Variants in TMEM179 observed in about 807,000 individuals in gnomAD.
TMEM179 encodes transmembrane protein 179, also known as transmembrane protein 179A.
Under a neutral mutation model 22.2 loss-of-function variants are expected in TMEM179, and 17 were observed. The observed-to-expected ratio is 0.77, with a 90% CI of 0.52 to 1.15. The LOEUF is 1.15. Ranked by LOEUF, TMEM179 falls within the 50% of genes most tolerant of loss-of-function variation. The pLI is 0.00. For synonymous variants in TMEM179, 127 were observed against 140.5 expected, an observed-to-expected ratio of 0.90 and a Z score of 0.68; for missense variants, 265 against 313.6, an observed-to-expected ratio of 0.84 and a Z score of 1.17.
At chr14:104,594,144 C>T in intron 3 of TMEM179, 1 of 1,231,804 alleles carries the variant, frequency 8.1e-7, no homozygotes, top group Admixed American at 4.2e-5. Flanking sequence ...TAAGCTGATT[C>T]TCATTTGAGC....
chr14:104,596,150 A>G (rs1887014591), intron 2 of TMEM179, among the ~76,000 whole-genome samples: 1 of 152,230 alleles, frequency 6.6e-6, no homozygotes, highest in Admixed American at 6.5e-5. Flanking sequence ...GGGTGGAGGC[A>G]CGGAACAGAC....
intron 3 of TMEM179, chr14:104,594,815 G>T: frequency 8.0e-7 from 1 of 1,250,798 alleles, no homozygotes. Context: ...AAAGTCCAAA[G>T]CCCTTGTCCC....
intron 3 of TMEM179, chr14:104,594,328 G>A: frequency 8.1e-7 from 1 of 1,231,408 alleles, no homozygotes; most frequent in Non-Finnish European, 1.0e-6. Flanking sequence ...CTGGCCAGGA[G>A]AAGCGTCCTC....
In TMEM179 at chr14:104,591,348, G is replaced by A. The variant is rs2140475199; in HGVS notation, c.*2131C>T. 1 of 455,984 alleles carries A rather than the reference G, an allele frequency of 2.2e-6. No homozygotes were observed. Among genetic ancestry groups the A allele is most frequent in the Middle Eastern group, 3.3e-4 (1 of 3,036 alleles). 28.2% of individuals were successfully genotyped at this position (455,984 alleles called of 1,614,324 possible). On this transcript the variant is annotated 3_prime_UTR_variant, in exon 4 of 4. Coordinates refer to ENST00000556573, the MANE Select transcript of TMEM179 (RefSeq NM_001286389.2). Reference sequence around the variant, plus strand: ...CCTAGATGGCTGTGGCCTGGATCAGGGCTGGGCAGAGGGTGAGGCAGGAGC... The same window carrying A: ...CCTAGATGGCTGTGGCCTGGATCAGAGCTGGGCAGAGGGTGAGGCAGGAGC...
At chr14:104,601,420 A>G (rs1382494587) in intron 1 of TMEM179, among the ~76,000 whole-genome samples, 1 of 152,190 alleles carries the variant, frequency 6.6e-6, no homozygotes, top group Non-Finnish European at 1.5e-5. Context: ...AATAAGGTGC[A>G]TGTCTGCCTT....
In TMEM179 at chr14:104,597,013, G is replaced by C; in HGVS notation, c.420C>G (p.Thr140=). Residue 140 remains threonine (T), a synonymous_variant, in exon 2 of 4, where the codon ACC becomes ACG. Transcript: ENST00000556573. The surrounding 1 kb of genome is among the most constrained non-coding windows in gnomAD (Gnocchi z 4.8). The stretch of plus-strand genomic sequence containing the variant: ...ACCTGTGGGGTACGGTGCCCTTCTC[G>C]GTGATGGTGTCGCACCACATGGTGA... ...VGFTMWCDTI[T]EKGTVPHSCE... is the part of the protein sequence containing the mutation. The C allele has an allele frequency of 1.2e-6, 2 of 1,608,288 alleles. No individual in the cohort carries two copies. The highest frequency in any genetic ancestry group is 8.5e-7 in the Non-Finnish European group (1 of 1,179,034).
In TMEM179 at chr14:104,593,225, C is replaced by T; in HGVS notation, c.*254G>A. The T allele has an allele frequency of 3.7e-6, 2 of 545,262 alleles. No individual in the cohort carries two copies. Among genetic ancestry groups the T allele is most frequent in the Non-Finnish European group, 6.5e-6 (2 of 309,282 alleles). The allele number at this position is 545,262 out of a possible 1,614,324, so 33.8% of individuals were successfully genotyped here. On this transcript the variant is annotated 3_prime_UTR_variant, in exon 4 of 4. Coordinates refer to ENST00000556573, the MANE Select transcript of TMEM179 (RefSeq NM_001286389.2). Reference sequence around the variant, plus strand: ...GGGCCCTGTGCGAGGCCTGGAGGTGCCCCCCGCCCCCGCCCCACACCCATA... The same window carrying T: ...GGGCCCTGTGCGAGGCCTGGAGGTGTCCCCCGCCCCCGCCCCACACCCATA...
intron 1 of TMEM179, among the ~76,000 whole-genome samples, chr14:104,599,699 C>T (rs1025083299): frequency 2.3e-4 from 35 of 152,318 alleles, no homozygotes; most frequent in Admixed American, 1.7e-3. Context: ...TGGCGAGGCA[C>T]GGCCAGGGTC....
At position 104,591,517 on chromosome 14, in the gene TMEM179, G is replaced by A. The variant is rs769954110; in HGVS notation, c.*1962C>T. 8 of 407,218 alleles carry A rather than the reference G, an allele frequency of 2.0e-5. No individual in the cohort carries two copies. Among genetic ancestry groups the A allele is most frequent in the East Asian group, 7.4e-5 (1 of 13,466 alleles). The allele number at this position is 407,218 out of a possible 1,614,324, so 25.2% of individuals were successfully genotyped here. ...GGATTCTGTCCAAACCCCTTCCCTCGAGGACCTGGCTGCCAGCTGGAAACT... is the reference window on the plus strand; with the variant it reads ...GGATTCTGTCCAAACCCCTTCCCTCAAGGACCTGGCTGCCAGCTGGAAACT... On this transcript the variant is annotated 3_prime_UTR_variant, in exon 4 of 4. Transcript: ENST00000556573.
chr14:104,591,664 G>A lies in TMEM179; in HGVS notation c.*1815C>T. 3.0e-6 allele frequency: 1 copy of A among 328,452 alleles called. No individual in the cohort carries two copies. The highest frequency in any genetic ancestry group is 2.3e-5 in the South Asian group (1 of 44,074). The allele number at this position is 328,452 out of a possible 1,614,324, so 20.3% of individuals were successfully genotyped here. ...GGACCCAGGATGATGCCCCCACCAGGACCCTCCATGTGGACCCAGGCACGT... is the reference window on the plus strand; with the variant it reads ...GGACCCAGGATGATGCCCCCACCAGAACCCTCCATGTGGACCCAGGCACGT... On this transcript the variant is annotated 3_prime_UTR_variant, in exon 4 of 4. Coordinates refer to ENST00000556573, the MANE Select transcript of TMEM179 (RefSeq NM_001286389.2).
chr14:104,592,741 C>T lies in TMEM179; in HGVS notation c.*738G>A, dbSNP rs923600303. Among the ~76,000 whole-genome samples the T allele has an allele frequency of 6.6e-6, 1 of 152,212 alleles. No individual in the cohort carries two copies. Among genetic ancestry groups the T allele is most frequent in the Non-Finnish European group, 1.5e-5 (1 of 68,036 alleles). On this transcript the variant is annotated 3_prime_UTR_variant, in exon 4 of 4. Transcript: ENST00000556573. ...TCCCATACTCACCCACACACAGACC[C>T]CTGCCATGGCTCCTGGCCCAGTCCT... is the stretch of plus-strand genomic sequence containing the variant.
chr14:104,594,811 C>T, intron 3 of TMEM179: 1 of 1,241,084 alleles, frequency 8.1e-7, no homozygotes, highest in Non-Finnish European at 1.0e-6. Flanking sequence ...CACCAAAGTC[C>T]AAAGCCCTTG....
At chr14:104,594,654 C>A (rs1034788178) in intron 3 of TMEM179, 1 of 1,217,050 alleles carries the variant, frequency 8.2e-7, no homozygotes, top group African/African-American at 1.6e-5. Context: ...GGGCGGGGGA[C>A]GCAGCTTATA....
chr14:104,600,148 C>T (rs937324043), intron 1 of TMEM179, among the ~76,000 whole-genome samples: 1 of 152,238 alleles, frequency 6.6e-6, no homozygotes, highest in Non-Finnish European at 1.5e-5. Flanking sequence ...GGATCCTGCC[C>T]AGGCTGTCCA....
At chr14:104,593,974 G>A in intron 3 of TMEM179, 3 of 1,093,382 alleles carry the variant, frequency 2.7e-6, no homozygotes, top group Non-Finnish European at 3.5e-6. Context: ...AGTGGCCAGT[G>A]GCGAGTGCTT....
Position 104,590,993 on chromosome 14 carries a change from G to C in TMEM179, c.*2486C>G, listed in dbSNP as rs1422884696. Reference sequence around the variant, plus strand: ...GGTGGACCAGCCTCAGGAACCCCGGGTCATGCCTGCACTTCCCACCTTCCT... The same window carrying C: ...GGTGGACCAGCCTCAGGAACCCCGGCTCATGCCTGCACTTCCCACCTTCCT... On this transcript the variant is annotated 3_prime_UTR_variant, in exon 4 of 4. Transcript: ENST00000556573. 1 of 188,538 alleles carries C rather than the reference G, an allele frequency of 5.3e-6. No homozygotes were observed. The highest frequency in any genetic ancestry group is 1.1e-5 in the Non-Finnish European group (1 of 89,650). The allele number at this position is 188,538 out of a possible 1,614,324, so 11.7% of individuals were successfully genotyped here. A position where few individuals can be genotyped will look rare whatever the true frequency, so the allele number is the denominator to read the frequency against.
At chr14:104,596,419 C>A (rs1295637574) in intron 2 of TMEM179, among the ~76,000 whole-genome samples, 1 of 152,178 alleles carries the variant, frequency 6.6e-6, no homozygotes, top group Non-Finnish European at 1.5e-5. Context: ...GGCTCAAAGG[C>A]CTCCATCCCC....
intron 3 of TMEM179, chr14:104,594,099 G>C: frequency 8.1e-7 from 1 of 1,233,424 alleles, no homozygotes; most frequent in Non-Finnish European, 1.0e-6. Flanking sequence ...AGTTGAAGGA[G>C]AAACAATTTA....
intron 1 of TMEM179, among the ~76,000 whole-genome samples, chr14:104,602,132 G>A (rs1596300976): frequency 1.3e-5 from 2 of 152,344 alleles, no homozygotes; most frequent in Middle Eastern, 3.4e-3. Context: ...GTCACCTTCC[G>A]TGAGATGGCA....
Sources: gnomAD v4.1 joint callset for allele counts (sites outside exome capture counted in the v4.1 genomes callset) on GRCh38, gnomAD v4.1.1 for gene constraint, Gnocchi (gnomAD v3.1) non-coding constraint, MANE v1.5 for transcripts, NCBI Gene and HGNC (gene_info 2026-07-23, HGNC 2026-07-21) for gene names.